The following CYP24A1 variants were observed in gnomAD, a reference collection of about 807,000 sequenced individuals.
CYP24A1 encodes the protein 1,25-dihydroxyvitamin D(3) 24-hydroxylase, mitochondrial.
A neutral mutation model predicts 62.4 loss-of-function variants in CYP24A1; 68 were observed. The observed-to-expected ratio is 1.09, with a 90% CI of 0.90 to 1.33. The LOEUF (loss-of-function observed/expected upper bound fraction) is 1.33, where lower values mean the gene tolerates loss of function less well. CYP24A1 is among the 40% of genes most tolerant of loss of function. CYP24A1 has a pLI of 0.00. For synonymous variants in CYP24A1, 267 were observed against 253.0 expected (o/e 1.06, Z -0.52); for missense variants, 787 against 653.0 (o/e 1.21, Z -2.24).
rs745964081 is a variant in CYP24A1, at chr20:54,171,563, C to T, written c.543+14G>A. ...CCCCACGAGCCCCAGGAAAGCTGGCCCCAGCCTGCAGACCTCATTGATTTT... is the reference window on the plus strand; with the variant it reads ...CCCCACGAGCCCCAGGAAAGCTGGCTCCAGCCTGCAGACCTCATTGATTTT... On this transcript the variant is annotated intron_variant, in intron 3 of 11. Coordinates refer to ENST00000216862, the MANE Select transcript of CYP24A1 (RefSeq NM_000782.5). The T allele has an allele frequency of 7.4e-6, 12 of 1,613,708 alleles. No homozygotes were observed. The highest frequency in any genetic ancestry group is 1.7e-6 in the Non-Finnish European group (2 of 1,179,850).
At chr20:54,171,992 T>C (rs2092695672) in intron 2 of CYP24A1, 2 of 411,108 alleles carry the variant, frequency 4.9e-6, no homozygotes, top group Admixed American at 3.7e-5. Flanking sequence ...GGACAATTCC[T>C]AGCGGTAAAA....
Position 54,157,271 on chromosome 20 carries a change from TGTC to T in CYP24A1, c.1450_1452del (p.Asp484del). 1 of 1,611,022 alleles carries T rather than the reference TGTC, an allele frequency of 6.2e-7. No individual in the cohort carries two copies. ...ACAGGCTCATTGTCTGTGGCCTGGA[TGTC>T]GTATTTGCGGACAATCTGTAATGCA... On this transcript the variant is annotated inframe_deletion, in exon 11 of 12. Transcript: ENST00000216862.
rs756319778 is a variant in CYP24A1, at chr20:54,164,489, C to G, written c.807G>C (p.Gln269His). 2 of 1,614,036 alleles carry G rather than the reference C, an allele frequency of 1.2e-6. No homozygotes were observed. The highest frequency in any genetic ancestry group is 1.7e-6 in the Non-Finnish European group (2 of 1,180,030). The change falls in exon 6 of 12, where the codon CAG becomes CAC. Residue 269 changes from glutamine (Q) to histidine (H), a missense_variant. Coordinates refer to ENST00000216862, the MANE Select transcript of CYP24A1 (RefSeq NM_000782.5). ...TGGTGTCCCAGGCCAGAGTGTGGTC[C>G]TGCCAGACCTTGGTGTTGAGGCTCT... ...LHKSLNTKVW[Q>H]DHTLAWDTIF...
At position 54,172,982 on chromosome 20, in the gene CYP24A1, G is replaced by A. The variant is rs148084028; in HGVS notation, c.376C>T (p.Pro126Ser). The A allele has an allele frequency of 6.1e-5, 99 of 1,613,068 alleles. No homozygotes were observed. The East Asian group carries it at 2.0e-3, about 33-fold the overall frequency. Reference sequence around the variant, plus strand: ...CACGGTTTGATCTCCAGCCGCTGCGGGTACGCGCTCTCGGTGCGGTACAGC... The same window carrying A: ...CACGGTTTGATCTCCAGCCGCTGCGAGTACGCGCTCTCGGTGCGGTACAGC... ...EALYRTESAY[P>S]QRLEIKPWKA... Residue 126 changes from proline to serine, a missense_variant, in exon 2 of 12, where the codon CCG (proline) becomes TCG (serine). Pro to Ser is a moderately conservative substitution (Grantham distance 74, BLOSUM62 -1). Transcript: ENST00000216862.
At chr20:54,172,350 T>C (rs976496373) in intron 2 of CYP24A1, among the ~76,000 whole-genome samples, 2 of 152,160 alleles carry the variant, frequency 1.3e-5, no homozygotes, top group African/African-American at 4.8e-5. Context: ...TGCTAACAAC[T>C]AAAAAGCAGA....
chr20:54,165,354 C>T (rs1191289721), intron 5 of CYP24A1, among the ~76,000 whole-genome samples: 3 of 152,250 alleles, frequency 2.0e-5, no homozygotes, highest in African/African-American at 7.2e-5. Flanking sequence ...TCTCCCATCA[C>T]CCCCAGATGG....
the CYP24A1 span, among the ~76,000 whole-genome samples, chr20:54,147,420 G>C: frequency 6.6e-6 from 1 of 152,204 alleles, no homozygotes; most frequent in Non-Finnish European, 1.5e-5. Context: ...GTGCTATCAA[G>C]AGTAGAGGCT....
intron 11 of CYP24A1, among the ~76,000 whole-genome samples, chr20:54,155,431 T>C (rs2092624031): frequency 6.6e-6 from 1 of 152,124 alleles, no homozygotes; most frequent in Middle Eastern, 3.2e-3. Context: ...AAGCCATATG[T>C]TACAAATGTC....
At chr20:54,160,606 T>C (rs780097589) in intron 7 of CYP24A1, among the ~76,000 whole-genome samples, 3 of 152,214 alleles carry the variant, frequency 2.0e-5, no homozygotes, top group Non-Finnish European at 4.4e-5. Flanking sequence ...TAGATGCCAT[T>C]ATTATAAGAG....
At position 54,173,401 on chromosome 20, in the gene CYP24A1, C is replaced by T. The variant is rs775954512; in HGVS notation, c.179G>A (p.Gly60Asp). The T allele has an allele frequency of 2.3e-5, 36 of 1,583,140 alleles. No homozygotes were observed. Among genetic ancestry groups the T allele is most frequent in the Non-Finnish European group, 4.3e-6 (5 of 1,163,396 alleles). The change falls in exon 1 of 12, where the codon GGC (glycine) becomes GAC (aspartate). Residue 60 changes from glycine to aspartate, a missense_variant. Coordinates refer to ENST00000216862, the MANE Select transcript of CYP24A1 (RefSeq NM_000782.5). This position sits in a 1 kb window ranked among gnomAD's most constrained non-coding sequence, Gnocchi z 7.2. ...GCCCAGCAGTGGCCAGCTGGTGGGG[C>T]CCGGCAGGGCGGCCGCGTTCTGAGT... is the stretch of plus-strand genomic sequence containing the variant. ...GETQNAAALP[G>D]PTSWPLLGSL...
intron 6 of CYP24A1, 32 bp downstream of exon 6, chr20:54,164,420 G>T (rs770921201): frequency 3.1e-6 from 5 of 1,613,916 alleles, no homozygotes; most frequent in Non-Finnish European, 4.2e-6. Flanking sequence ...TGCTGGGCTG[G>T]TTCTGGCTGG....
chr20:54,170,852 A>C (rs552691854), intron 3 of CYP24A1, among the ~76,000 whole-genome samples: 29 of 152,330 alleles, frequency 1.9e-4, no homozygotes, highest in African/African-American at 6.7e-4. Flanking sequence ...CCAGTTCAAA[A>C]TAAACATCCA....
At chr20:54,147,904 G>A in the CYP24A1 span, among the ~76,000 whole-genome samples, 1 of 152,014 alleles carries the variant, frequency 6.6e-6, no homozygotes, top group Non-Finnish European at 1.5e-5. Flanking sequence ...AGGGATCTTG[G>A]CTCACTGCAA....
the CYP24A1 span, among the ~76,000 whole-genome samples, chr20:54,145,442 C>G: frequency 4.6e-5 from 7 of 152,104 alleles, no homozygotes; most frequent in African/African-American, 1.4e-4. Context: ...GAGTTGGAGA[C>G]CAGCCTGGGT....
chr20:54,173,040 C>T lies in CYP24A1; in HGVS notation c.318G>A (p.Ser106=), dbSNP rs867031815. The change falls in exon 2 of 12, where the codon TCG becomes TCA. Residue 106 remains serine, a synonymous_variant. Coordinates refer to ENST00000216862, the MANE Select transcript of CYP24A1 (RefSeq NM_000782.5). This position sits in a 1 kb window ranked among gnomAD's most constrained non-coding sequence, Gnocchi z 7.2. ...GCAGGCATGGCGAGCCCAGGTGCAC[C>T]GACTCAAAGGAACCCAACTTCATGC... ...IFRMKLGSFE[S]VHLGSPCLLE... 2 of 1,609,184 alleles carry T rather than the reference C, an allele frequency of 1.2e-6. No individual in the cohort carries two copies. Among genetic ancestry groups the T allele is most frequent in the Non-Finnish European group, 1.7e-6 (2 of 1,180,016 alleles).
chr20:54,154,650 TG>T lies in CYP24A1; in HGVS notation c.*121del. 6.4e-6 allele frequency: 1 copy of T among 155,416 alleles called. No individual in the cohort carries two copies. 9.6% of individuals were successfully genotyped at this position (155,416 alleles called of 1,614,324 possible). A position where few individuals can be genotyped will look rare whatever the true frequency, so the allele number is the denominator to read the frequency against. On this transcript the variant is annotated 3_prime_UTR_variant, in exon 12 of 12. Coordinates refer to ENST00000216862, the MANE Select transcript of CYP24A1 (RefSeq NM_000782.5). ...CCAGGCCATTCTAAGCACCTGAAGATGGTGCTGACACAGGTGAAGTGTAAAC... is the reference window on the plus strand; with the variant it reads ...CCAGGCCATTCTAAGCACCTGAAGATGTGCTGACACAGGTGAAGTGTAAAC...
rs1215276633 is a variant in CYP24A1 at position 54,162,280 on chromosome 20, C to T, written c.990+437G>A. ...ACAGTAAGTAACAGCCACAGTTAGGCACTTTGGGGTAACATGTGCAACTGA... is the reference window on the plus strand; with the variant it reads ...ACAGTAAGTAACAGCCACAGTTAGGTACTTTGGGGTAACATGTGCAACTGA... On this transcript the variant is annotated intron_variant, in intron 7 of 11. Transcript: ENST00000216862. 3.3e-5 allele frequency among the ~76,000 whole-genome samples: 4 copies of T among 121,034 alleles called. No homozygotes were observed. The Admixed American group carries it at 4.2e-4, about 13-fold the overall frequency. The allele number at this position is 121,034 out of a possible 152,430, so 79.4% of individuals were successfully genotyped here. A position where few individuals can be genotyped will look rare whatever the true frequency, so the allele number is the denominator to read the frequency against.
Position 54,165,731 on chromosome 20 carries a change from A to G in CYP24A1, c.732+11T>C, listed in dbSNP as rs775051777. The G allele has an allele frequency of 8.5e-6, 11 of 1,297,710 alleles. No individual in the cohort carries two copies. Among genetic ancestry groups the G allele is most frequent in the Non-Finnish European group, 1.2e-5 (11 of 890,582 alleles). 80.4% of individuals were successfully genotyped at this position (1,297,710 alleles called of 1,614,324 possible). A position where few individuals can be genotyped will look rare whatever the true frequency, so the allele number is the denominator to read the frequency against. ...AATCAAGAAAACTGCTTTCTTAAAG[A>G]GGCTGCTTACTGTTTTGATGGCCAT... On this transcript the variant is annotated intron_variant, in intron 5 of 11. Transcript: ENST00000216862.
At chr20:54,148,873 G>A (rs956570806), downstream of CYP24A1, among the ~76,000 whole-genome samples, 7 of 152,184 alleles carry the variant, frequency 4.6e-5, no homozygotes, top group African/African-American at 1.4e-4. Context: ...TTGGGAGGCC[G>A]ATGTGGGCAG....
Sources: gnomAD v4.1 joint callset for allele counts (sites outside exome capture counted in the v4.1 genomes callset) on GRCh38, gnomAD v4.1.1 for gene constraint, Gnocchi (gnomAD v3.1) non-coding constraint, MANE v1.5 for transcripts, NCBI Gene and HGNC (gene_info 2026-07-23, HGNC 2026-07-21) for gene names.